The following PLEKHG5 variants were observed in gnomAD, a reference collection of about 807,000 sequenced individuals.
PLEKHG5 encodes the protein pleckstrin homology and RhoGEF domain containing G5.
A neutral mutation model predicts 103.8 loss-of-function variants in PLEKHG5; 52 were observed. The ratio of observed to expected loss-of-function variants is 0.50; its 90% confidence interval spans 0.40 to 0.63. The LOEUF is 0.63. PLEKHG5 is among the 30% of genes least tolerant of loss of function. PLEKHG5 has a pLI of 0.00. For missense variants in PLEKHG5, 1,205 were observed against 1,347.6 expected (o/e 0.89, Z 1.66); for synonymous variants, 592 against 575.5 (o/e 1.03, Z -0.41).
At chr1:6,495,231 G>T (rs1645206452), upstream of PLEKHG5, among the ~76,000 whole-genome samples, 2 of 152,238 alleles carry the variant, frequency 1.3e-5, no homozygotes, top group South Asian at 4.1e-4. Flanking sequence ...GCCAACACCA[G>T]AGCCCAATGC....
At chr1:6,472,036 C>T (rs1644607709) in intron 10 of PLEKHG5, among the ~76,000 whole-genome samples, 2 of 152,246 alleles carry the variant, frequency 1.3e-5, no homozygotes, top group Non-Finnish European at 2.9e-5. Flanking sequence ...GCCCTGGTCC[C>T]TCCTGGAGGG....
At chr1:6,485,365 G>A (rs1285109727) in intron 1 of PLEKHG5, 2 of 1,421,666 alleles carry the variant, frequency 1.4e-6, no homozygotes, top group Non-Finnish European at 9.1e-7. Context: ...GCCCAGGAGG[G>A]CTCCGAGTCC....
At position 6,473,076 on chromosome 1, in the gene PLEKHG5, G is replaced by A; in HGVS notation, c.894C>T (p.Ser298=). 6.2e-7 allele frequency: 1 copy of A among 1,614,028 alleles called. No homozygotes were observed. Among genetic ancestry groups the A allele is most frequent in the East Asian group, 2.2e-5 (1 of 44,876 alleles). The part of the protein sequence containing the change: ...LPRGLRFDHD[S]WEEEYDEDED... Reference sequence around the variant, plus strand: ...CGTCTTCATCGTACTCCTCCTCCCAGGAGTCATGGTCGAAGCGCAGCCCCC... The same window carrying A: ...CGTCTTCATCGTACTCCTCCTCCCAAGAGTCATGGTCGAAGCGCAGCCCCC... Residue 298 remains serine (S), a synonymous_variant, in exon 9 of 21, where the codon TCC becomes TCT. Coordinates refer to ENST00000377728, the MANE Select transcript of PLEKHG5 (RefSeq NM_020631.6).
chr1:6,496,456 T>C, upstream of PLEKHG5: 1 of 1,498,364 alleles, frequency 6.7e-7, no homozygotes, highest in Non-Finnish European at 9.3e-7. Flanking sequence ...CTGGCCCCTC[T>C]GCCCCCGAGG....
intron 1 of PLEKHG5, 57 bp from the exon 2 acceptor site, chr1:6,477,715 C>G (rs1644801568): frequency 6.3e-7 from 1 of 1,586,564 alleles, no homozygotes; most frequent in Non-Finnish European, 8.5e-7. Context: ...ATCCCTCGAC[C>G]CCGGCCCAGC....
rs1211232321 is a variant in PLEKHG5, at chr1:6,470,836, G to A, written c.1441C>T (p.Leu481=). The change falls in exon 14 of 21, where the codon CTG becomes TTG. Residue 481 remains leucine, a synonymous_variant. Transcript: ENST00000377728. ...QCQRLKLSDM[L]AKPHQRLTKY... ...GTGAGCCGCTGGTGGGGTTTGGCCA[G>A]CATGTCGCTCAGCTTCAGCCTCTGG... The A allele has an allele frequency of 6.3e-7, 1 of 1,578,118 alleles. No homozygotes were observed. The highest frequency in any genetic ancestry group is 8.6e-7 in the Non-Finnish European group (1 of 1,162,118).
At chr1:6,502,210 G>A (rs1187547777) in intron 1 of PLEKHG5, among the ~76,000 whole-genome samples, 3 of 152,260 alleles carry the variant, frequency 2.0e-5, no homozygotes, top group South Asian at 2.1e-4. Context: ...CAGGACATCC[G>A]CCACTCCCTA....
chr1:6,470,456 T>A (rs778777445), intron 15 of PLEKHG5, 50 bp downstream of exon 15: 2 of 1,611,362 alleles, frequency 1.2e-6, no homozygotes, highest in Non-Finnish European at 1.7e-6. Context: ...GCCTGCCAGC[T>A]GGGCCTTCCT....
At chr1:6,494,931 C>A (rs1645200904), upstream of PLEKHG5, among the ~76,000 whole-genome samples, 1 of 152,198 alleles carries the variant, frequency 6.6e-6, no homozygotes, top group Non-Finnish European at 1.5e-5. Context: ...GAGGTGAGGT[C>A]TGGAGGCTGC....
chr1:6,511,238 G>A (rs1638463481), intron 1 of PLEKHG5, among the ~76,000 whole-genome samples: 1 of 152,146 alleles, frequency 6.6e-6, no homozygotes, highest in Non-Finnish European at 1.5e-5. Context: ...GCTTCAACCA[G>A]GCCTCAGCCT....
intron 20 of PLEKHG5, 106 bp from the exon 21 acceptor site, chr1:6,467,678 C>T (rs1276842969): frequency 4.1e-6 from 6 of 1,448,356 alleles, no homozygotes; most frequent in African/African-American, 1.4e-5. Flanking sequence ...TTCACTGCTG[C>T]CCACCACAGC....
intron 1 of PLEKHG5, among the ~76,000 whole-genome samples, chr1:6,502,431 A>T (rs11121972): frequency 5.9e-5 from 9 of 152,134 alleles, no homozygotes; most frequent in East Asian, 3.9e-4. Flanking sequence ...AGCTGAACAC[A>T]GCCCTACCCA....
rs1333637404 is a variant in PLEKHG5, at chr1:6,505,544, G to A, written c.-164-8975C>T. Among the ~76,000 whole-genome samples, 1 of 152,068 alleles carries A rather than the reference G, an allele frequency of 6.6e-6. No homozygotes were observed. The highest frequency in any genetic ancestry group is 1.5e-5 in the Non-Finnish European group (1 of 68,008). On this transcript the variant is annotated intron_variant, in intron 1 of 21. Coordinates refer to the PLEKHG5 transcript ENST00000377740. This position sits in a 1 kb window ranked among gnomAD's most constrained non-coding sequence, Gnocchi z 4.2. The stretch of plus-strand genomic sequence containing the variant: ...ACAAGCCACGGGGCTCAGCGTCCCC[G>A]AGAGCTCATCCTGCCTCTTCAGGGG...
chr1:6,485,315 G>T (rs1645002221), intron 1 of PLEKHG5: 2 of 1,406,256 alleles, frequency 1.4e-6, no homozygotes, highest in Non-Finnish European at 1.8e-6. Context: ...CCCCGTCCCG[G>T]CCCCGTACCT....
At chr1:6,497,356 G>A, upstream of PLEKHG5, 1 of 1,080,742 alleles carries the variant, frequency 9.3e-7, no homozygotes, top group East Asian at 3.9e-5. The surrounding 1 kb of genome is among the most constrained non-coding windows in gnomAD (Gnocchi z 6.1). Flanking sequence ...GGGGGCGGGC[G>A]GCGGGCGGGG....
chr1:6,508,362 C>G (rs556522207), intron 1 of PLEKHG5, among the ~76,000 whole-genome samples: 89 of 152,346 alleles, frequency 5.8e-4, no homozygotes, highest in African/African-American at 2.1e-3. Context: ...CTCCCACCTT[C>G]GCTTGTGCTG....
chr1:6,489,287 C>A (rs1272793568), intron 1 of PLEKHG5, among the ~76,000 whole-genome samples: 1 of 152,208 alleles, frequency 6.6e-6, no homozygotes, highest in African/African-American at 2.4e-5. Context: ...ACGCTCCACC[C>A]GGCCTACCCA....
intron 19 of PLEKHG5, 80 bp downstream of exon 19, chr1:6,468,962 A>G: frequency 2.6e-6 from 3 of 1,155,548 alleles, no homozygotes; most frequent in Non-Finnish European, 3.9e-6. Flanking sequence ...GGAGGAAGGG[A>G]GCGTGGCTGG....
intron 5 of PLEKHG5, 121 bp downstream of exon 5, chr1:6,474,926 G>T: frequency 1.3e-6 from 1 of 791,814 alleles, no homozygotes; most frequent in Non-Finnish European, 2.3e-6. Flanking sequence ...ACGCAGGGAT[G>T]CGCTCGCTCA....
Sources: gnomAD v4.1 joint callset for allele counts (sites outside exome capture counted in the v4.1 genomes callset) on GRCh38, gnomAD v4.1.1 for gene constraint, Gnocchi (gnomAD v3.1) non-coding constraint, MANE v1.5 for transcripts, NCBI Gene and HGNC (gene_info 2026-07-23, HGNC 2026-07-21) for gene names.